ATXN7L1: variants seen among roughly 807,000 people sequenced by gnomAD.
The protein encoded by ATXN7L1 is ataxin 7 like 1.
ATXN7L1 carries 15 observed loss-of-function variants against 70.8 expected under a neutral mutation model. The ratio of observed to expected loss-of-function variants is 0.21; its 90% CI spans 0.14 to 0.33. The LOEUF is 0.33. ATXN7L1 is among the 10% of genes least tolerant of loss of function. The pLI is 1.00. For synonymous variants in ATXN7L1, 440 were observed against 445.1 expected (o/e 0.99, Z 0.14); for missense variants, 975 against 1,097.1 (o/e 0.89, Z 1.57).
intron 2 of ATXN7L1, among the ~76,000 whole-genome samples, chr7:105,816,184 G>T (rs1446582541): frequency 5.3e-5 from 8 of 151,916 alleles, no homozygotes; most frequent in Non-Finnish European, 5.9e-5. Context: ...CAATAAATCA[G>T]GAACGCAGTC....
At chr7:105,622,855 G>T (rs1346325023) in intron 8 of ATXN7L1, among the ~76,000 whole-genome samples, 1 of 152,182 alleles carries the variant, frequency 6.6e-6, no homozygotes, top group African/African-American at 2.4e-5. Flanking sequence ...ACTGGGTGAG[G>T]ATGTAATATC....
chr7:105,775,231 G>A (rs1010006450), intron 3 of ATXN7L1, among the ~76,000 whole-genome samples: 31 of 152,074 alleles, frequency 2.0e-4, no homozygotes, highest in African/African-American at 6.0e-4. Flanking sequence ...AACAATCAAC[G>A]GTATTCCCCG....
intron 2 of ATXN7L1, among the ~76,000 whole-genome samples, chr7:105,865,297 A>G (rs549205560): frequency 6.6e-6 from 1 of 152,374 alleles, no homozygotes; most frequent in Non-Finnish European, 1.5e-5. Flanking sequence ...CACAGCCAAT[A>G]AATGGTCAAG....
intron 3 of ATXN7L1, among the ~76,000 whole-genome samples, chr7:105,771,167 T>C (rs1801940371): frequency 1.3e-5 from 2 of 150,634 alleles, no homozygotes; most frequent in African/African-American, 4.9e-5. Flanking sequence ...GCCACTGCAC[T>C]CCAGCCTGGG....
At chr7:105,779,457 T>G (rs1463421749) in intron 3 of ATXN7L1, among the ~76,000 whole-genome samples, 1 of 152,200 alleles carries the variant, frequency 6.6e-6, no homozygotes, top group East Asian at 1.9e-4. Flanking sequence ...AAACTTGAAG[T>G]GAAGCAAAAC....
chr7:105,679,123 G>A (rs1469983860), intron 3 of ATXN7L1: 2 of 986,016 alleles, frequency 2.0e-6, no homozygotes, highest in East Asian at 2.3e-4. Context: ...ACTCGTGGTA[G>A]TAGATGTTTC....
Position 105,614,649 on chromosome 7 carries a change from A to G in ATXN7L1, c.1685T>C (p.Met562Thr), listed in dbSNP as rs1270652028. 2 of 1,551,754 alleles carry G rather than the reference A, an allele frequency of 1.3e-6. No homozygotes were observed. Among genetic ancestry groups the G allele is most frequent in the Admixed American group, 2.0e-5 (1 of 50,986 alleles). ...TGTCACGAAAGCTGCGTTTGAGAGCATGGCTGATGTCATTATGTAAGAAGA... is the reference window on the plus strand; with the variant it reads ...TGTCACGAAAGCTGCGTTTGAGAGCGTGGCTGATGTCATTATGTAAGAAGA... ...LTSSYIMTSA[M>T]LSNAAFVTSP... The change falls in exon 10 of 12, where the codon ATG becomes ACG. Residue 562 changes from methionine to threonine, a missense_variant. Around this residue, in one of 5 missense-constraint regions of ATXN7L1, gnomAD observed 635 missense variants for 699.4 expected, o/e 0.91. Coordinates refer to ENST00000419735, the MANE Select transcript of ATXN7L1 (RefSeq NM_020725.2). The surrounding 1 kb of genome is among the most constrained non-coding windows in gnomAD (Gnocchi z 4.3).
At chr7:105,738,494 A>G (rs1797659348) in intron 3 of ATXN7L1, among the ~76,000 whole-genome samples, 1 of 152,240 alleles carries the variant, frequency 6.6e-6, no homozygotes, top group Non-Finnish European at 1.5e-5. Flanking sequence ...TAACTAAATC[A>G]CACTAGCACT....
intron 3 of ATXN7L1, among the ~76,000 whole-genome samples, chr7:105,685,263 T>C (rs1263867078): frequency 1.3e-5 from 2 of 152,068 alleles, no homozygotes; most frequent in African/African-American, 2.4e-5. Context: ...TCCAGCGCTA[T>C]AGCGAAGAGT....
At chr7:105,613,756 G>C in intron 10 of ATXN7L1, 106 bp downstream of exon 10, 3 of 1,534,798 alleles carry the variant, frequency 2.0e-6, no homozygotes, top group Non-Finnish European at 2.6e-6. Flanking sequence ...ACGAGAACAG[G>C]AATCAAGCTT....
At chr7:105,678,070 A>G (rs1804978682) in intron 3 of ATXN7L1, 1 of 920,448 alleles carries the variant, frequency 1.1e-6, no homozygotes, top group Non-Finnish European at 1.3e-6. Flanking sequence ...ATGCCCTGTC[A>G]ACATATGCGT....
At chr7:105,715,928 C>T (rs892056601) in intron 3 of ATXN7L1, among the ~76,000 whole-genome samples, 6 of 152,216 alleles carry the variant, frequency 3.9e-5, no homozygotes, top group South Asian at 2.1e-4. Flanking sequence ...GTGACTGGAG[C>T]GTCCTAATTG....
At chr7:105,685,542 G>C (rs1173549543) in intron 3 of ATXN7L1, among the ~76,000 whole-genome samples, 1 of 152,152 alleles carries the variant, frequency 6.6e-6, no homozygotes, top group East Asian at 1.9e-4. Context: ...TCTCAGACCA[G>C]AGCCAAAGCT....
At chr7:105,855,277 A>G (rs1815560053) in intron 2 of ATXN7L1, among the ~76,000 whole-genome samples, 1 of 152,034 alleles carries the variant, frequency 6.6e-6, no homozygotes, top group African/African-American at 2.4e-5. Context: ...TGTCTCAACT[A>G]CTCCATGCAG....
intron 3 of ATXN7L1, among the ~76,000 whole-genome samples, chr7:105,719,144 G>C (rs1007810154): frequency 2.6e-5 from 4 of 152,134 alleles, no homozygotes; most frequent in African/African-American, 4.8e-5. Flanking sequence ...GGTAAATGAA[G>C]GGAAGCAAAG....
chr7:105,781,832 AT>A (rs539770224), intron 3 of ATXN7L1, among the ~76,000 whole-genome samples: 3 of 151,868 alleles, frequency 2.0e-5, no homozygotes, highest in Admixed American at 1.3e-4. Flanking sequence ...CAGAGCTGGA[AT>A]TTTTTTTATT....
intron 7 of ATXN7L1, among the ~76,000 whole-genome samples, chr7:105,632,921 TAAAAAAA>T (rs11417434): frequency 3.3e-5 from 2 of 60,042 alleles, no homozygotes; most frequent in Non-Finnish European, 5.5e-5. Flanking sequence ...ATCTTGTCTT[TAAAAAAA>T]AAAAAAAAAA....
intron 4 of ATXN7L1, among the ~76,000 whole-genome samples, chr7:105,658,776 C>T (rs1482583188): frequency 6.6e-6 from 1 of 152,080 alleles, no homozygotes; most frequent in Non-Finnish European, 1.5e-5. Flanking sequence ...TCAAATGATC[C>T]ATCCGCTTCG....
At chr7:105,816,731 T>C (rs538629425) in intron 2 of ATXN7L1, among the ~76,000 whole-genome samples, 5 of 152,364 alleles carry the variant, frequency 3.3e-5, no homozygotes, top group Non-Finnish European at 5.9e-5. Context: ...GGAAGGTTCG[T>C]TCCTATGCAG....
Sources: allele counts gnomAD v4.1 joint callset (sites outside exome capture counted in the v4.1 genomes callset), GRCh38; gene constraint gnomAD v4.1.1; regional missense constraint gnomAD v4.1.1; non-coding constraint Gnocchi (gnomAD v3.1); transcripts MANE v1.5; gene names NCBI Gene and HGNC (gene_info 2026-07-23, HGNC 2026-07-21).